STOX1: variants seen among roughly 807,000 people sequenced by gnomAD.
STOX1 encodes storkhead box 1.
A neutral mutation model predicts 74.8 loss-of-function variants in STOX1; 57 were observed. The observed-to-expected ratio is 0.76, with a 90% CI of 0.62 to 0.95. STOX1 has a LOEUF of 0.95. STOX1 is among the 40% of genes least tolerant of loss of function. The pLI, the probability that STOX1 is intolerant of heterozygous loss-of-function variation, is 0.00. For synonymous variants in STOX1, 375 were observed against 401.3 expected, an observed-to-expected ratio of 0.93 and a Z score of 0.78; for missense variants, 1,010 against 1,117.0, an observed-to-expected ratio of 0.90 and a Z score of 1.37.
At chr10:68,845,849 G>A (rs895177580) in intron 1 of STOX1, among the ~76,000 whole-genome samples, 7 of 151,594 alleles carry the variant, frequency 4.6e-5, no homozygotes, top group South Asian at 2.1e-4. Context: ...TGATCTACCC[G>A]CCTCGGCCTG....
intron 3 of STOX1, among the ~76,000 whole-genome samples, chr10:68,891,189 C>G (rs763498680): frequency 6.6e-6 from 1 of 152,114 alleles, no homozygotes; most frequent in South Asian, 2.1e-4. Context: ...CTATAATTGA[C>G]AGGCATTTAG....
chr10:68,846,614 C>T (rs542418484), intron 1 of STOX1, among the ~76,000 whole-genome samples: 1 of 152,086 alleles, frequency 6.6e-6, no homozygotes, highest in African/African-American at 2.4e-5. Context: ...TGATCGATAC[C>T]CCTATGCTTT....
At chr10:68,831,933 T>C (rs150921913) in intron 1 of STOX1, among the ~76,000 whole-genome samples, 165 of 151,222 alleles carry the variant, frequency 1.1e-3, no homozygotes, top group African/African-American at 3.9e-3. Flanking sequence ...TCTTTTCTTT[T>C]TTTTTTTTTT....
chr10:68,863,926 T>G lies in STOX1; in HGVS notation c.311-18032T>G, dbSNP rs1042069808. 5.3e-5 allele frequency among the ~76,000 whole-genome samples: 8 copies of G among 150,612 alleles called. No homozygotes were observed. In the East Asian group the frequency reaches 5.8e-4, roughly 11 times the overall value. On this transcript the variant is annotated intron_variant, in intron 1 of 3. Coordinates refer to ENST00000298596, the MANE Select transcript of STOX1 (RefSeq NM_152709.5). ...ACAGCTACAAGTTCTGCTTGTTTTT[T>G]TTTTTTTTTTTTCTCTGAGACAAAG...
Position 68,885,965 on chromosome 10 carries a change from T to G in STOX1, c.2169T>G (p.Asn723Lys). The G allele has an allele frequency of 3.1e-6, 5 of 1,614,098 alleles. No individual in the cohort carries two copies. The highest frequency in any genetic ancestry group is 4.2e-6 in the Non-Finnish European group (5 of 1,180,020). Reference protein sequence around the residue: ...LSNDDQALYQNEVEDDDGACS... With the variant: ...LSNDDQALYQKEVEDDDGACS... ...ACGATGACCAGGCCTTGTATCAGAA[T>G]GAAGTGGAAGATGATGATGGTGCCT... Residue 723 changes from asparagine (N) to lysine (K), a missense_variant, in exon 3 of 4, where the codon AAT (asparagine) becomes AAG (lysine). Coordinates refer to ENST00000298596, the MANE Select transcript of STOX1 (RefSeq NM_152709.5).
intron 1 of STOX1, among the ~76,000 whole-genome samples, chr10:68,854,376 G>C (rs1276651346): frequency 6.6e-6 from 1 of 151,854 alleles, no homozygotes; most frequent in African/African-American, 2.4e-5. Context: ...ACTGCATGCA[G>C]CCTTGACCTC....
rs112004866 is a variant in STOX1 at position 68,852,249 on chromosome 10, C to A, written c.310+24316C>A. 1.3e-3 allele frequency among the ~76,000 whole-genome samples: 155 copies of A among 118,948 alleles called. 4 individuals carry two copies. Among genetic ancestry groups the A allele is most frequent in the Middle Eastern group, 5.2e-3 (1 of 192 alleles). The allele number at this position is 118,948 out of a possible 152,430, so 78.0% of individuals were successfully genotyped here. On this transcript the variant is annotated intron_variant, in intron 1 of 3. Coordinates refer to ENST00000298596, the MANE Select transcript of STOX1 (RefSeq NM_152709.5). ...ATGAGTTTAAGTTTTTCTCTTACTG[C>A]TTTTTTTTTTTTTTTTTTTTGAGAC...
chr10:68,859,780 G>A (rs1304431806), intron 1 of STOX1, among the ~76,000 whole-genome samples: 1 of 151,958 alleles, frequency 6.6e-6, no homozygotes, highest in East Asian at 1.9e-4. Flanking sequence ...AGGTAGCCTG[G>A]GTGAGCTTGG....
intron 1 of STOX1, among the ~76,000 whole-genome samples, chr10:68,866,632 C>T (rs1427847552): frequency 6.6e-6 from 1 of 152,194 alleles, no homozygotes; most frequent in African/African-American, 2.4e-5. Flanking sequence ...TGAACCTGCA[C>T]CCCTTTTAAA....
At chr10:68,874,457 A>C (rs747313854) in intron 1 of STOX1, among the ~76,000 whole-genome samples, 5 of 152,146 alleles carry the variant, frequency 3.3e-5, no homozygotes, top group Non-Finnish European at 7.4e-5. Flanking sequence ...TGTACCTACG[A>C]TCTGTAAGCC....
intron 3 of STOX1, among the ~76,000 whole-genome samples, chr10:68,889,632 C>T (rs1198597857): frequency 6.6e-6 from 1 of 152,144 alleles, no homozygotes; most frequent in Non-Finnish European, 1.5e-5. Context: ...GGTGCGATCT[C>T]GGCTCACAGC....
At chr10:68,832,674 A>ACAG (rs1554826589) in intron 1 of STOX1, among the ~76,000 whole-genome samples, 110 of 149,274 alleles carry the variant, frequency 7.4e-4, no homozygotes, top group Non-Finnish European at 1.2e-3. Flanking sequence ...AAAAAAAAAA[A>ACAG]AAAGAAAGCA....
intron 1 of STOX1, among the ~76,000 whole-genome samples, chr10:68,837,861 C>G (rs61869914): frequency 6.6e-6 from 1 of 151,632 alleles, no homozygotes; most frequent in Non-Finnish European, 1.5e-5. Flanking sequence ...CAATAAGATA[C>G]CATCTATGCA....
Position 68,884,956 on chromosome 10 carries a change from A to AG in STOX1, c.1161dup (p.Lys388GlufsTer4). The AG allele has an allele frequency of 6.2e-7, 1 of 1,614,186 alleles. No homozygotes were observed. The highest frequency in any genetic ancestry group is 8.5e-7 in the Non-Finnish European group (1 of 1,180,052). On this transcript the variant is annotated frameshift_variant, in exon 3 of 4. Coordinates refer to ENST00000298596, the MANE Select transcript of STOX1 (RefSeq NM_152709.5). LOFTEE classifies it high-confidence loss of function. ...GTCCTAATGCAAAAATACGAAGAAC[A>AG]GAAAAAATATAATAGCCAGGGCACT... is the stretch of plus-strand genomic sequence containing the variant.
intron 1 of STOX1, among the ~76,000 whole-genome samples, chr10:68,840,083 G>A (rs996486006): frequency 3.3e-5 from 5 of 152,064 alleles, no homozygotes; most frequent in Admixed American, 2.0e-4. Flanking sequence ...ACACACAATG[G>A]GGACAAAAGG....
intron 1 of STOX1, among the ~76,000 whole-genome samples, chr10:68,873,876 C>G (rs1840609146): frequency 6.6e-6 from 1 of 150,958 alleles, no homozygotes; most frequent in Admixed American, 6.6e-5. Context: ...GTCTCGAACC[C>G]CTGACCTCGT....
chr10:68,853,920 G>A (rs996210209), intron 1 of STOX1, among the ~76,000 whole-genome samples: 2 of 151,840 alleles, frequency 1.3e-5, no homozygotes, highest in African/African-American at 4.8e-5. Context: ...CCCGACCTCA[G>A]GTGATATGCC....
intron 1 of STOX1, among the ~76,000 whole-genome samples, chr10:68,837,845 G>A (rs993129225): frequency 9.9e-5 from 15 of 152,124 alleles, no homozygotes; most frequent in African/African-American, 2.2e-4. Flanking sequence ...ATTTGGCATC[G>A]GACTCCAATA....
At position 68,844,294 on chromosome 10, in the gene STOX1, C is replaced by CTTT. The variant is rs777175392; in HGVS notation, c.310+16380_310+16382dup. On this transcript the variant is annotated intron_variant, in intron 1 of 3. Coordinates refer to ENST00000298596, the MANE Select transcript of STOX1 (RefSeq NM_152709.5). ...TGCTTGTTTGCTATGTCTGGATCTTCTTTTTTTTTTTTTTTTTTTTTGAGA... is the reference window on the plus strand; with the variant it reads ...TGCTTGTTTGCTATGTCTGGATCTTCTTTTTTTTTTTTTTTTTTTTTTTTGAGA... 4.1e-3 allele frequency among the ~76,000 whole-genome samples: 430 copies of CTTT among 104,556 alleles called. 3 individuals are homozygous for CTTT. The highest frequency in any genetic ancestry group is 6.7e-3 in the Middle Eastern group (1 of 150). The allele number at this position is 104,556 out of a possible 152,430, so 68.6% of individuals were successfully genotyped here. A position where few individuals can be genotyped will look rare whatever the true frequency, so the allele number is the denominator to read the frequency against.
Sources: allele counts gnomAD v4.1 joint callset (sites outside exome capture counted in the v4.1 genomes callset), GRCh38; gene constraint gnomAD v4.1.1; transcripts MANE v1.5; gene names NCBI Gene and HGNC (gene_info 2026-07-23, HGNC 2026-07-21).